The following FARP1 variants were observed in gnomAD, a reference collection of about 807,000 sequenced individuals.
FARP1 encodes the protein FERM, ARH/RhoGEF and pleckstrin domain protein 1.
Under a neutral mutation model 128.8 loss-of-function variants are expected in FARP1, and 52 were observed. The ratio of observed to expected loss-of-function variants is 0.40; its 90% confidence interval spans 0.32 to 0.51. FARP1 has a LOEUF of 0.51. Among genes scored for constraint, FARP1 ranks in the 20% least tolerant of loss-of-function variants. The pLI, the probability that FARP1 is intolerant of heterozygous loss-of-function variation, is 0.45. For missense variants in FARP1, 1,333 were observed against 1,367.9 expected, an observed-to-expected ratio of 0.97 and a Z score of 0.40; for synonymous variants, 580 against 551.8, an observed-to-expected ratio of 1.05 and a Z score of -0.72.
chr13:98,407,682 A>G (rs558652794), intron 13 of FARP1, among the ~76,000 whole-genome samples: 3 of 152,172 alleles, frequency 2.0e-5, no homozygotes, highest in Non-Finnish European at 4.4e-5. Context: ...TTGCTATCCA[A>G]GGATCATTGC....
intron 1 of FARP1, among the ~76,000 whole-genome samples, chr13:98,210,318 T>C (rs1206085863): frequency 1.3e-5 from 2 of 152,056 alleles, no homozygotes; most frequent in Non-Finnish European, 2.9e-5. Context: ...TTCATTTTGC[T>C]TTTTTGGTTA....
chr13:98,338,356 C>A (rs1277905388), intron 2 of FARP1: 3 of 152,204 alleles, frequency 2.0e-5, no homozygotes, highest in Non-Finnish European at 4.4e-5. Flanking sequence ...ATTCTACTTT[C>A]TGTCTTTATG....
intron 2 of FARP1, among the ~76,000 whole-genome samples, chr13:98,249,976 C>T (rs983592518): frequency 6.6e-6 from 1 of 152,134 alleles, no homozygotes; most frequent in African/African-American, 2.4e-5. Context: ...GTTTTGAAAA[C>T]CTAATTTTTA....
intron 2 of FARP1, among the ~76,000 whole-genome samples, chr13:98,253,541 A>T (rs1366742161): frequency 6.6e-6 from 1 of 152,214 alleles, no homozygotes; most frequent in Non-Finnish European, 1.5e-5. Flanking sequence ...ACCATTTGTG[A>T]AATGAGGATG....
At chr13:98,319,735 T>G (rs9584797) in intron 2 of FARP1, among the ~76,000 whole-genome samples, 1,530 of 152,346 alleles carry the variant, frequency 0.01, 32 homozygotes, top group African/African-American at 0.035. Flanking sequence ...GATCAAATTG[T>G]TTTTATTTTC....
At chr13:98,221,709 C>G (rs1269634000) in intron 2 of FARP1, among the ~76,000 whole-genome samples, 3 of 152,110 alleles carry the variant, frequency 2.0e-5, no homozygotes, top group Admixed American at 2.0e-4. Context: ...CAAAACTTTT[C>G]CATTTTCCTA....
intron 1 of FARP1, among the ~76,000 whole-genome samples, chr13:98,179,682 A>G (rs796531803): frequency 3.9e-5 from 6 of 151,976 alleles, no homozygotes; most frequent in South Asian, 2.1e-4. Flanking sequence ...GGTCTACCCC[A>G]TCTCTACTAA....
intron 1 of FARP1, among the ~76,000 whole-genome samples, chr13:98,179,328 T>C (rs1878338019): frequency 6.6e-6 from 1 of 152,194 alleles, no homozygotes; most frequent in South Asian, 2.1e-4. Context: ...CATGATTCAG[T>C]TATCTCTGGT....
intron 5 of FARP1, among the ~76,000 whole-genome samples, chr13:98,373,359 C>T (rs1333946214): frequency 2.0e-5 from 3 of 151,758 alleles, no homozygotes; most frequent in African/African-American, 7.3e-5. Context: ...AACATGAAGC[C>T]CTCCTATTTA....
chr13:98,181,957 G>C (rs749377216), intron 1 of FARP1, among the ~76,000 whole-genome samples: 5 of 152,178 alleles, frequency 3.3e-5, no homozygotes, highest in Non-Finnish European at 5.9e-5. Context: ...TTCATTGCAA[G>C]AGAGATTAGC....
chr13:98,439,866 C>A, intron 21 of FARP1, 95 bp from the exon 22 acceptor site: 1 of 882,460 alleles, frequency 1.1e-6, no homozygotes, highest in Non-Finnish European at 1.8e-6. Flanking sequence ...TGCTCAGGGG[C>A]ACCCCTCCTT....
chr13:98,306,525 TTTG>T (rs1886166241), intron 2 of FARP1, among the ~76,000 whole-genome samples: 1 of 150,308 alleles, frequency 6.7e-6, no homozygotes, highest in Non-Finnish European at 1.5e-5. Flanking sequence ...TTCTTTCTTT[TTTG>T]TTTTGAGAAA....
chr13:98,288,154 C>G (rs1448525244), intron 2 of FARP1, among the ~76,000 whole-genome samples: 3 of 152,100 alleles, frequency 2.0e-5, no homozygotes, highest in Non-Finnish European at 4.4e-5. Flanking sequence ...CCATGCAGTC[C>G]CTGTTCTCAT....
Position 98,395,573 on chromosome 13 carries a change from CGTCCCGATCCCG to C in FARP1, c.1414+116_1414+127del, listed in dbSNP as rs368126610. On this transcript the variant is annotated intron_variant, in intron 13 of 26. Transcript: ENST00000319562. ...GAATACGACCTTCTTAGAGAACAAG[CGTCCCGATCCCG>C]GTCCCGATCCCGGTCCCGGTCCCAA... 1.1e-3 allele frequency: 1,485 copies of C among 1,399,794 alleles called. 9 individuals carry two copies. Among genetic ancestry groups the C allele is most frequent in the South Asian group, 5.5e-3 (374 of 68,412 alleles). 86.7% of individuals were successfully genotyped at this position (1,399,794 alleles called of 1,614,324 possible). A position where few individuals can be genotyped will look rare whatever the true frequency, so the allele number is the denominator to read the frequency against.
At chr13:98,434,094 G>A (rs1190739773) in intron 18 of FARP1, 6 of 152,282 alleles carry the variant, frequency 3.9e-5, no homozygotes. Flanking sequence ...GATGATTGAG[G>A]AAGAGAGTGC....
At chr13:98,198,248 T>G (rs1211055543) in intron 1 of FARP1, among the ~76,000 whole-genome samples, 2 of 152,210 alleles carry the variant, frequency 1.3e-5, no homozygotes, top group East Asian at 1.9e-4. Context: ...GTTTCCAACC[T>G]TAAGTTGATC....
chr13:98,399,823 T>C (rs955147364), intron 13 of FARP1: 1 of 152,254 alleles, frequency 6.6e-6, no homozygotes, highest in Non-Finnish European at 1.5e-5. Flanking sequence ...TTTCAAAATA[T>C]GTGAATTTTA....
intron 5 of FARP1, among the ~76,000 whole-genome samples, chr13:98,369,173 C>T (rs1889223334): frequency 6.6e-6 from 1 of 152,082 alleles, no homozygotes; most frequent in African/African-American, 2.4e-5. Context: ...GATCCACCTG[C>T]TTCAGCCTCC....
At chr13:98,190,939 A>G (rs1872206550) in intron 1 of FARP1, among the ~76,000 whole-genome samples, 1 of 152,146 alleles carries the variant, frequency 6.6e-6, no homozygotes, top group African/African-American at 2.4e-5. Context: ...TTGACTCCAG[A>G]ATACCAATTA....
Sources: allele counts gnomAD v4.1 joint callset (sites outside exome capture counted in the v4.1 genomes callset), GRCh38; gene constraint gnomAD v4.1.1; transcripts MANE v1.5; gene names NCBI Gene and HGNC (gene_info 2026-07-23, HGNC 2026-07-21).